The following ST8SIA4 variants were observed in gnomAD, a reference collection of about 807,000 sequenced individuals.
The protein encoded by ST8SIA4 is ST8 alpha-N-acetyl-neuraminide alpha-2,8-sialyltransferase 4.
In ST8SIA4, 15 loss-of-function variants were observed where a neutral mutation model predicts 33.9. The ratio of observed to expected loss-of-function variants is 0.44; its 90% CI spans 0.30 to 0.68. The LOEUF is 0.68. Ranked by LOEUF, ST8SIA4 falls within the 30% of genes least tolerant of loss-of-function variation. The probability of loss-of-function intolerance (pLI) is 0.10; values close to 1 mark genes in which losing one functional copy is unlikely to be tolerated. For missense variants in ST8SIA4, 321 were observed against 428.0 expected, an observed-to-expected ratio of 0.75 and a Z score of 2.21; for synonymous variants, 171 against 151.2, an observed-to-expected ratio of 1.13 and a Z score of -0.96.
At chr5:100,817,109 ATTTTTTTTTTTTTTTTTTT>A (rs57222657) in intron 4 of ST8SIA4, among the ~76,000 whole-genome samples, 3 of 74,326 alleles carry the variant, frequency 4.0e-5, no homozygotes, top group Admixed American at 2.3e-4. Context: ...CACCCAGCTA[ATTTTTTTTTTTTTTTTTTT>A]TTTTTTTTTT....
Position 100,846,672 on chromosome 5 carries a change from T to C in ST8SIA4, c.797+9431A>G, listed in dbSNP as rs182360107. On this transcript the variant is annotated intron_variant, in intron 4 of 4. Transcript: ENST00000231461. The stretch of plus-strand genomic sequence containing the variant: ...TATGTGAAGAAGAGAGAAAAATCCA[T>C]ACCAAGAAGGAAAGCCCAAATTTGC... Among the ~76,000 whole-genome samples the C allele has an allele frequency of 1.5e-3, 224 of 152,032 alleles. 7 individuals carry two copies. Among genetic ancestry groups the C allele is most frequent in the East Asian group, 2.7e-3 (14 of 5,164 alleles).
At chr5:100,869,319 A>G (rs1383873103) in intron 3 of ST8SIA4, among the ~76,000 whole-genome samples, 2 of 152,168 alleles carry the variant, frequency 1.3e-5, no homozygotes, top group Admixed American at 1.3e-4. Context: ...AGTACTTTAA[A>G]TCAAAAACTC....
intron 1 of ST8SIA4, chr5:100,900,456 C>T (rs1003822527): frequency 1.1e-5 from 5 of 456,120 alleles, no homozygotes; most frequent in Non-Finnish European, 1.8e-5. Flanking sequence ...ACTCCTCCAC[C>T]AGAAGCGCTG....
At chr5:100,833,039 G>A (rs551622064) in intron 4 of ST8SIA4, among the ~76,000 whole-genome samples, 1 of 152,208 alleles carries the variant, frequency 6.6e-6, no homozygotes, top group African/African-American at 2.4e-5. Flanking sequence ...ATCGTGCTAT[G>A]CATTCAAAGG....
At chr5:100,861,534 G>T (rs1362715002) in intron 3 of ST8SIA4, among the ~76,000 whole-genome samples, 1 of 152,126 alleles carries the variant, frequency 6.6e-6, no homozygotes, top group Non-Finnish European at 1.5e-5. Context: ...CTAGAGAATA[G>T]CTTAGATTTG....
At chr5:100,815,064 C>T (rs1031094828) in intron 4 of ST8SIA4, among the ~76,000 whole-genome samples, 1 of 151,790 alleles carries the variant, frequency 6.6e-6, no homozygotes, top group African/African-American at 2.4e-5. Flanking sequence ...TAACATGTTC[C>T]AGCTTTTATC....
At chr5:100,849,459 T>C (rs779288089) in intron 4 of ST8SIA4, 57 of 985,128 alleles carry the variant, frequency 5.8e-5, no homozygotes, top group Non-Finnish European at 6.4e-5. Context: ...TCGCAGAACC[T>C]GCAAAATACA....
chr5:100,898,618 C>T (rs1304895501), intron 1 of ST8SIA4, among the ~76,000 whole-genome samples: 2 of 152,114 alleles, frequency 1.3e-5, no homozygotes. Flanking sequence ...AAACTTAGTA[C>T]AATCTGAAGC....
chr5:100,820,372 A>T (rs1751011945), intron 4 of ST8SIA4, among the ~76,000 whole-genome samples: 1 of 152,162 alleles, frequency 6.6e-6, no homozygotes, highest in Non-Finnish European at 1.5e-5. Context: ...AAAAACTTAC[A>T]ATATAATTTC....
At position 100,811,793 on chromosome 5, in the gene ST8SIA4, T is replaced by A; in HGVS notation, c.*54A>T. 3.3e-6 allele frequency: 5 copies of A among 1,523,092 alleles called. No individual in the cohort carries two copies. The highest frequency in any genetic ancestry group is 3.5e-6 in the Non-Finnish European group (4 of 1,134,596). 94.3% of individuals were successfully genotyped at this position (1,523,092 alleles called of 1,614,324 possible). A position where few individuals can be genotyped will look rare whatever the true frequency, so the allele number is the denominator to read the frequency against. On this transcript the variant is annotated 3_prime_UTR_variant, in exon 5 of 5. Transcript: ENST00000231461. ...CCGTGTTTTGGATCCTATTTTCAAA[T>A]CTTCGGAAGCATCTTCAGAAAAGAA...
intron 4 of ST8SIA4, among the ~76,000 whole-genome samples, chr5:100,817,380 CA>C (rs890940175): frequency 6.6e-6 from 1 of 151,974 alleles, no homozygotes; most frequent in Non-Finnish European, 1.5e-5. Flanking sequence ...TTTTTCCCAT[CA>C]AAAATCACAG....
At chr5:100,821,928 G>A (rs13357545) in intron 4 of ST8SIA4, among the ~76,000 whole-genome samples, 4 of 152,072 alleles carry the variant, frequency 2.6e-5, no homozygotes, top group African/African-American at 9.6e-5. Flanking sequence ...CTCAGACAAG[G>A]GCTTTCCATG....
intron 3 of ST8SIA4, among the ~76,000 whole-genome samples, chr5:100,857,950 T>C (rs1751853829): frequency 6.6e-6 from 1 of 152,074 alleles, no homozygotes. Context: ...ACAGAGTATG[T>C]ATTTGTTTCT....
chr5:100,897,787 A>G (rs771087016), intron 1 of ST8SIA4, among the ~76,000 whole-genome samples: 1 of 152,222 alleles, frequency 6.6e-6, no homozygotes, highest in South Asian at 2.1e-4. Context: ...ACTGATGAAA[A>G]TGATACGTTT....
At chr5:100,858,208 A>G (rs1376029465) in intron 3 of ST8SIA4, among the ~76,000 whole-genome samples, 2 of 152,150 alleles carry the variant, frequency 1.3e-5, no homozygotes, top group Middle Eastern at 3.4e-3. Flanking sequence ...TTTGGATACT[A>G]TGGGGAAAAG....
chr5:100,897,245 T>C (rs1274426471), intron 1 of ST8SIA4, among the ~76,000 whole-genome samples: 2 of 152,136 alleles, frequency 1.3e-5, no homozygotes, highest in Non-Finnish European at 1.5e-5. Flanking sequence ...TAGTATATCA[T>C]GTGGCATGGT....
intron 4 of ST8SIA4, among the ~76,000 whole-genome samples, chr5:100,850,954 C>CTT (rs70987828): frequency 2.7e-3 from 201 of 75,114 alleles, no homozygotes; most frequent in African/African-American, 6.3e-3. Context: ...TGTAACCATA[C>CTT]TTTTTTTTTT....
At chr5:100,885,793 T>A (rs1752523721) in intron 3 of ST8SIA4, 1 of 906,634 alleles carries the variant, frequency 1.1e-6, no homozygotes. Context: ...CGCTTAATTA[T>A]GTTAAAAAAA....
rs530561126 is a variant in ST8SIA4, at chr5:100,876,082, T to C, written c.503+10261A>G. ...AAAACAAAGACATAAAGCCTAAAAC[T>C]ATACTCCTCTGTATTTAATAATACC... On this transcript the variant is annotated intron_variant, in intron 3 of 4. Coordinates refer to ENST00000231461, the MANE Select transcript of ST8SIA4 (RefSeq NM_005668.6). Among the ~76,000 whole-genome samples, 29 of 152,220 alleles carry C rather than the reference T, an allele frequency of 1.9e-4. No homozygotes were observed. The East Asian group carries it at 5.4e-3, about 28-fold the overall frequency.
Sources: allele counts gnomAD v4.1 joint callset (sites outside exome capture counted in the v4.1 genomes callset), GRCh38; gene constraint gnomAD v4.1.1; transcripts MANE v1.5; gene names NCBI Gene and HGNC (gene_info 2026-07-23, HGNC 2026-07-21).